The following CNTNAP5 variants were observed in gnomAD, a reference collection of about 807,000 sequenced individuals.
CNTNAP5 encodes contactin associated protein family member 5.
CNTNAP5 carries 72 observed loss-of-function variants against 150.2 expected under a neutral mutation model. The ratio of observed to expected loss-of-function variants is 0.48; its 90% CI spans 0.40 to 0.58. The LOEUF (loss-of-function observed/expected upper bound fraction) is 0.58. Ranked by LOEUF, CNTNAP5 falls within the 20% of genes least tolerant of loss-of-function variation. CNTNAP5 has a pLI of 0.00. For synonymous variants in CNTNAP5, 672 were observed against 619.8 expected (o/e 1.08, Z -1.25); for missense variants, 1,636 against 1,626.2 (o/e 1.01, Z -0.10).
At chr2:124,444,940 T>C (rs1318109381) in intron 5 of CNTNAP5, among the ~76,000 whole-genome samples, 1 of 152,154 alleles carries the variant, frequency 6.6e-6, no homozygotes, top group Non-Finnish European at 1.5e-5. Flanking sequence ...GAAACCTGCA[T>C]ACATTTTATA....
At position 124,790,115 on chromosome 2, in the gene CNTNAP5, C is replaced by T; in HGVS notation, c.2966C>T (p.Pro989Leu). 1 of 1,613,700 alleles carries T rather than the reference C, an allele frequency of 6.2e-7. No homozygotes were observed. The highest frequency in any genetic ancestry group is 8.5e-7 in the Non-Finnish European group (1 of 1,179,744). The part of the protein sequence containing the change: ...NGYLCDCTNS[P>L]YEGPFCKKEV... ...TACCTGTGTGATTGCACCAATTCAC[C>T]TTATGAAGGGCCCTTTTGCAAAAAA... The change falls in exon 18 of 24, where the codon CCT becomes CTT. Residue 989 changes from proline to leucine, a missense_variant. Transcript: ENST00000682447.
chr2:124,594,053 T>C (rs1316520254), intron 11 of CNTNAP5, among the ~76,000 whole-genome samples: 1 of 112,388 alleles, frequency 8.9e-6, no homozygotes, highest in African/African-American at 3.3e-5. Context: ...GTCAGATGAG[T>C]AGGTTGCGAA....
chr2:124,154,971 A>C (rs559401968), intron 1 of CNTNAP5, among the ~76,000 whole-genome samples: 45 of 152,224 alleles, frequency 3.0e-4, no homozygotes, highest in Admixed American at 1.8e-3. Flanking sequence ...TTCAACTAAC[A>C]CATGAATCTT....
intron 16 of CNTNAP5, among the ~76,000 whole-genome samples, chr2:124,766,573 G>C (rs932941311): frequency 1.3e-5 from 2 of 152,108 alleles, no homozygotes; most frequent in Non-Finnish European, 2.9e-5. Flanking sequence ...GACTATTAAT[G>C]GGAGGAAGCT....
intron 19 of CNTNAP5, among the ~76,000 whole-genome samples, chr2:124,816,698 G>A (rs1682371227): frequency 6.6e-6 from 1 of 151,792 alleles, no homozygotes; most frequent in Non-Finnish European, 1.5e-5. Flanking sequence ...GGCTGGTCTT[G>A]AACTCCTGAC....
At chr2:124,377,243 G>C (rs1276376406) in intron 3 of CNTNAP5, among the ~76,000 whole-genome samples, 1 of 152,032 alleles carries the variant, frequency 6.6e-6, no homozygotes, top group African/African-American at 2.4e-5. Flanking sequence ...CATTATTTTT[G>C]CTTTAATAGA....
intron 1 of CNTNAP5, among the ~76,000 whole-genome samples, chr2:124,100,958 T>C (rs959410305): frequency 6.6e-6 from 1 of 151,948 alleles, no homozygotes; most frequent in Non-Finnish European, 1.5e-5. Flanking sequence ...TCTTAATTCA[T>C]GATTCCTGAA....
At position 124,821,017 on chromosome 2, in the gene CNTNAP5, G is replaced by A. The variant is rs554278782; in HGVS notation, c.3217+22697G>A. Reference sequence around the variant, plus strand: ...TTGTGCTCACAGGCTCTTTGTCAAAGGAAGTTGGAGGGTTATTCCCAACAT... The same window carrying A: ...TTGTGCTCACAGGCTCTTTGTCAAAAGAAGTTGGAGGGTTATTCCCAACAT... On this transcript the variant is annotated intron_variant, in intron 19 of 23. Coordinates refer to ENST00000682447, the MANE Select transcript of CNTNAP5 (RefSeq NM_001367498.1). Among the ~76,000 whole-genome samples, 23 of 152,328 alleles carry A rather than the reference G, an allele frequency of 1.5e-4. No homozygotes were observed. In the East Asian group the frequency reaches 4.4e-3, roughly 29 times the overall value.
At chr2:124,792,521 T>G (rs2104635449) in intron 18 of CNTNAP5, among the ~76,000 whole-genome samples, 1 of 152,300 alleles carries the variant, frequency 6.6e-6, no homozygotes, top group African/African-American at 2.4e-5. Context: ...TCTCTTTCTA[T>G]TATCGAGATG....
chr2:124,773,300 A>G (rs898858798), intron 17 of CNTNAP5, among the ~76,000 whole-genome samples: 1 of 152,128 alleles, frequency 6.6e-6, no homozygotes, highest in African/African-American at 2.4e-5. Flanking sequence ...CTTTTGTTCT[A>G]CATCATTGTA....
chr2:124,149,715 G>T (rs1456668325), intron 1 of CNTNAP5, among the ~76,000 whole-genome samples: 1 of 152,206 alleles, frequency 6.6e-6, no homozygotes, highest in Non-Finnish European at 1.5e-5. Context: ...TCAGGCTGCT[G>T]CTGCTTCTTC....
At chr2:124,356,846 G>T (rs1290028038) in intron 3 of CNTNAP5, among the ~76,000 whole-genome samples, 1 of 151,210 alleles carries the variant, frequency 6.6e-6, no homozygotes, top group Admixed American at 6.6e-5. Flanking sequence ...TGGGTCAAAT[G>T]GTATTTCTAG....
chr2:124,519,607 G>A (rs559237322), intron 8 of CNTNAP5, among the ~76,000 whole-genome samples: 47 of 152,320 alleles, frequency 3.1e-4, no homozygotes, highest in Admixed American at 8.5e-4. Flanking sequence ...TCTATTACAT[G>A]AGGGCAATCA....
At chr2:124,408,052 G>A (rs1691626273) in intron 3 of CNTNAP5, among the ~76,000 whole-genome samples, 1 of 152,212 alleles carries the variant, frequency 6.6e-6, no homozygotes, top group South Asian at 2.1e-4. Flanking sequence ...GAAGCAGGGC[G>A]AGGCATTGCC....
chr2:124,785,832 C>A (rs992334626), intron 17 of CNTNAP5, among the ~76,000 whole-genome samples: 2 of 152,150 alleles, frequency 1.3e-5, no homozygotes, highest in East Asian at 3.9e-4. Flanking sequence ...TTAATTCTAG[C>A]CACAAAATGC....
At chr2:124,539,410 C>T (rs546047694) in intron 10 of CNTNAP5, among the ~76,000 whole-genome samples, 1 of 152,268 alleles carries the variant, frequency 6.6e-6, no homozygotes, top group Non-Finnish European at 1.5e-5. Context: ...ATCAGTCTCC[C>T]TGGTTGTCAA....
chr2:124,347,085 C>T (rs532589705), intron 3 of CNTNAP5, among the ~76,000 whole-genome samples: 1 of 151,958 alleles, frequency 6.6e-6, no homozygotes, highest in South Asian at 2.1e-4. Flanking sequence ...GAGACTCCAT[C>T]TCAAAAAATA....
chr2:124,237,696 A>T (rs1686783753), intron 2 of CNTNAP5, among the ~76,000 whole-genome samples: 1 of 151,828 alleles, frequency 6.6e-6, no homozygotes, highest in Non-Finnish European at 1.5e-5. Context: ...AATTAGCTGG[A>T]TGTGGTGGCA....
rs1434631887 is a variant in CNTNAP5 at position 124,440,978 on chromosome 2, A to G, written c.734-5775A>G. On this transcript the variant is annotated intron_variant, in intron 5 of 23. Coordinates refer to ENST00000682447, the MANE Select transcript of CNTNAP5 (RefSeq NM_001367498.1). ...TTTCGTGAGAATTAAGTGTTTTGTG[A>G]TCTCTAATAATGGAAATTTCTAGGG... is the stretch of plus-strand genomic sequence containing the variant. Among the ~76,000 whole-genome samples the G allele has an allele frequency of 2.0e-5, 3 of 152,106 alleles. No individual in the cohort carries two copies. In the East Asian group the frequency reaches 5.8e-4, roughly 29 times the overall value.
Sources: gnomAD v4.1 joint callset for allele counts (sites outside exome capture counted in the v4.1 genomes callset) on GRCh38, gnomAD v4.1.1 for gene constraint, MANE v1.5 for transcripts, NCBI Gene and HGNC (gene_info 2026-07-23, HGNC 2026-07-21) for gene names.